The following GABBR2 variants were observed in gnomAD, a reference collection of about 807,000 sequenced individuals.
GABBR2 encodes the protein gamma-aminobutyric acid type B receptor subunit 2.
A neutral mutation model predicts 105.6 loss-of-function variants in GABBR2; 23 were observed. The observed-to-expected ratio is 0.22, with a 90% confidence interval of 0.16 to 0.31. The LOEUF (loss-of-function observed/expected upper bound fraction) is 0.31, where lower values mean the gene tolerates loss of function less well. GABBR2 is among the 10% of genes least tolerant of loss of function. GABBR2 has a pLI of 1.00. For missense variants in GABBR2, 734 were observed against 1,245.5 expected, an observed-to-expected ratio of 0.59 and a Z score of 6.18; for synonymous variants, 478 against 499.7, an observed-to-expected ratio of 0.96 and a Z score of 0.58.
chr9:98,336,312 G>A (rs561096257), intron 13 of GABBR2, among the ~76,000 whole-genome samples: 2 of 152,314 alleles, frequency 1.3e-5, no homozygotes, highest in Admixed American at 1.3e-4. Context: ...ATATGGAGTG[G>A]GACTGGATTG....
intron 11 of GABBR2, among the ~76,000 whole-genome samples, chr9:98,384,110 A>G (rs1050166646): frequency 6.6e-6 from 1 of 152,172 alleles, no homozygotes; most frequent in Non-Finnish European, 1.5e-5. Context: ...CGATCTTTTG[A>G]CCATCCCCTC....
At chr9:98,650,255 T>TTGAATCCTGGCCCTGGCAC (rs1200754531) in intron 1 of GABBR2, among the ~76,000 whole-genome samples, 6 of 152,208 alleles carry the variant, frequency 3.9e-5, no homozygotes, top group Non-Finnish European at 7.3e-5. Flanking sequence ...CTGCCTGGGA[T>TTGAATCCTGGCCCTGGCAC]TGAATCCTGG....
intron 1 of GABBR2, among the ~76,000 whole-genome samples, chr9:98,650,915 A>G (rs181562717): frequency 1.3e-5 from 2 of 152,286 alleles, no homozygotes; most frequent in East Asian, 3.9e-4. Context: ...GGAGCCAGGA[A>G]GAGAGAGGAA....
At chr9:98,406,205 C>T (rs913504874) in intron 7 of GABBR2, 64 bp from the exon 8 acceptor site, 2 of 859,852 alleles carry the variant, frequency 2.3e-6, no homozygotes, top group Non-Finnish European at 3.7e-6. Context: ...GCCCAAACGC[C>T]ACTGATCTCA....
intron 13 of GABBR2, among the ~76,000 whole-genome samples, chr9:98,350,177 CA>C (rs35948835): frequency 0.55 from 79,458 of 145,618 alleles, 23,682 homozygotes; most frequent in Admixed American, 0.67. Flanking sequence ...TTTATCTTCT[CA>C]AAAAAAAAAA....
intron 1 of GABBR2, among the ~76,000 whole-genome samples, chr9:98,610,878 G>A (rs1829495375): frequency 6.6e-6 from 1 of 152,096 alleles, no homozygotes; most frequent in Non-Finnish European, 1.5e-5. Flanking sequence ...CTTAATCCCA[G>A]TTACTCAGGA....
At chr9:98,487,669 T>C (rs948729800) in intron 4 of GABBR2, among the ~76,000 whole-genome samples, 2 of 148,828 alleles carry the variant, frequency 1.3e-5, no homozygotes, top group Non-Finnish European at 2.9e-5. Flanking sequence ...TCCCAGTTAC[T>C]TGGGAGGCTG....
At chr9:98,616,713 C>T (rs1274594748) in intron 1 of GABBR2, among the ~76,000 whole-genome samples, 1 of 149,882 alleles carries the variant, frequency 6.7e-6, no homozygotes, top group Non-Finnish European at 1.5e-5. Flanking sequence ...AAGAATGCGC[C>T]ACTGCACTCC....
At chr9:98,521,189 C>A (rs1446877887) in intron 3 of GABBR2, among the ~76,000 whole-genome samples, 1 of 152,142 alleles carries the variant, frequency 6.6e-6, no homozygotes, top group African/African-American at 2.4e-5. Context: ...TCTGCTTCAG[C>A]CTTGGAAAAT....
chr9:98,385,549 G>A (rs1384557629), intron 11 of GABBR2, 91 bp downstream of exon 11: 2 of 994,900 alleles, frequency 2.0e-6, no homozygotes, highest in Non-Finnish European at 3.2e-6. Flanking sequence ...GTATTTTCAT[G>A]TATTTCTGGG....
At chr9:98,499,097 C>A (rs924529855) in intron 3 of GABBR2, among the ~76,000 whole-genome samples, 1 of 152,188 alleles carries the variant, frequency 6.6e-6, no homozygotes, top group Non-Finnish European at 1.5e-5. Flanking sequence ...AGCAAAAACA[C>A]TGAATATGTG....
intron 3 of GABBR2, among the ~76,000 whole-genome samples, chr9:98,508,888 A>G (rs547056734): frequency 6.6e-6 from 1 of 152,170 alleles, no homozygotes; most frequent in Admixed American, 6.5e-5. Flanking sequence ...CTGCAGACTT[A>G]AATGTCCCTG....
intron 1 of GABBR2, among the ~76,000 whole-genome samples, chr9:98,699,083 A>C: frequency 6.6e-6 from 1 of 152,098 alleles, no homozygotes; most frequent in Admixed American, 6.5e-5. Context: ...CCAGGACCAG[A>C]GCCCAATCTA....
At chr9:98,406,202 C>T (rs181374739) in intron 7 of GABBR2, 61 bp from the exon 8 acceptor site, 197 of 901,518 alleles carry the variant, frequency 2.2e-4, no homozygotes, top group African/African-American at 3.9e-4. Flanking sequence ...TTAGCCCAAA[C>T]GCCACTGATC....
At chr9:98,579,937 G>A (rs1828977264) in intron 1 of GABBR2, among the ~76,000 whole-genome samples, 1 of 152,136 alleles carries the variant, frequency 6.6e-6, no homozygotes, top group Admixed American at 6.5e-5. Flanking sequence ...ATGACCCTTA[G>A]GCAGGACTGT....
At chr9:98,483,064 G>A (rs769164378) in intron 4 of GABBR2, among the ~76,000 whole-genome samples, 3 of 152,018 alleles carry the variant, frequency 2.0e-5, no homozygotes, top group African/African-American at 4.8e-5. Context: ...GACTCTTCCA[G>A]TTGGATTCTC....
intron 3 of GABBR2, among the ~76,000 whole-genome samples, chr9:98,512,834 G>A (rs1827676388): frequency 6.6e-6 from 1 of 152,162 alleles, no homozygotes; most frequent in Non-Finnish European, 1.5e-5. Flanking sequence ...CACTGCCCAA[G>A]GTAATTTATA....
At position 98,496,404 on chromosome 9, in the gene GABBR2, C is replaced by G. The variant is rs1827280369; in HGVS notation, c.732+9G>C. 1 of 1,566,250 alleles carries G rather than the reference C, an allele frequency of 6.4e-7. No individual in the cohort carries two copies. The highest frequency in any genetic ancestry group is 1.4e-5 in the African/African-American group (1 of 73,974). On this transcript the variant is annotated intron_variant, in intron 4 of 18. Coordinates refer to ENST00000259455, the MANE Select transcript of GABBR2 (RefSeq NM_005458.8). ...GTCTGCCATTCACCCTGTGGCTAGC[C>G]ACACCTACCTTCAGCTTTTTGACAC...
chr9:98,487,590 C>T (rs539154419), intron 4 of GABBR2, among the ~76,000 whole-genome samples: 18 of 150,728 alleles, frequency 1.2e-4, no homozygotes, highest in Admixed American at 2.0e-4. Context: ...GTCTGGGAAA[C>T]GTGGAGAAAC....
Sources: allele counts gnomAD v4.1 joint callset (sites outside exome capture counted in the v4.1 genomes callset), GRCh38; gene constraint gnomAD v4.1.1; transcripts MANE v1.5; gene names NCBI Gene and HGNC (gene_info 2026-07-23, HGNC 2026-07-21).